The following ARFGEF3 variants were observed in gnomAD, a reference collection of about 807,000 sequenced individuals.
The protein encoded by ARFGEF3 is ARFGEF family member 3.
In ARFGEF3, 96 loss-of-function variants were observed where a neutral mutation model predicts 221.7. The observed-to-expected ratio is 0.43, with a 90% confidence interval of 0.37 to 0.51. ARFGEF3 has a LOEUF of 0.51. ARFGEF3 is among the 20% of genes least tolerant of loss of function. ARFGEF3 has a pLI of 0.00. For synonymous variants in ARFGEF3, 1,145 were observed against 1,126.8 expected (o/e 1.02, Z -0.32); for missense variants, 2,410 against 2,789.9 (o/e 0.86, Z 3.07).
intron 14 of ARFGEF3, among the ~76,000 whole-genome samples, chr6:138,283,538 G>T (rs542926804): frequency 1.1e-4 from 16 of 152,322 alleles, no homozygotes; most frequent in African/African-American, 3.8e-4. Context: ...AGTGACAAGT[G>T]AATCAGAGCA....
intron 24 of ARFGEF3, among the ~76,000 whole-genome samples, chr6:138,309,730 C>A (rs1379650655): frequency 6.6e-6 from 1 of 152,192 alleles, no homozygotes; most frequent in Non-Finnish European, 1.5e-5. Flanking sequence ...TGGTGTAACT[C>A]TTAATCCAAA....
Position 138,234,240 on chromosome 6 carries a change from A to G in ARFGEF3, c.421-4269A>G, listed in dbSNP as rs546883698. ...AAGTAGATGGCACCTGGGAAGGTGC[A>G]CGAATCGATGGGTTAAGGTGTCTTA... On this transcript the variant is annotated intron_variant, in intron 5 of 33. Coordinates refer to ENST00000251691, the MANE Select transcript of ARFGEF3 (RefSeq NM_020340.5). Among the ~76,000 whole-genome samples, 6 of 152,318 alleles carry G rather than the reference A, an allele frequency of 3.9e-5. No individual in the cohort carries two copies. In the South Asian group the frequency reaches 1.0e-3, roughly 26 times the overall value.
intron 14 of ARFGEF3, among the ~76,000 whole-genome samples, chr6:138,281,593 G>A (rs961221407): frequency 3.3e-5 from 5 of 152,182 alleles, no homozygotes; most frequent in Non-Finnish European, 1.5e-5. Flanking sequence ...GCATTAACTC[G>A]TTTGGGATAA....
intron 4 of ARFGEF3, among the ~76,000 whole-genome samples, chr6:138,212,056 A>G (rs1444092231): frequency 3.3e-5 from 5 of 152,232 alleles, no homozygotes; most frequent in African/African-American, 1.2e-4. Flanking sequence ...GGCCTTTGTT[A>G]CATGCTATTA....
chr6:138,304,726 T>C (rs1455463460), intron 22 of ARFGEF3, among the ~76,000 whole-genome samples: 1 of 152,208 alleles, frequency 6.6e-6, no homozygotes, highest in African/African-American at 2.4e-5. Context: ...CTATAAGTGA[T>C]TTGTGAAATT....
chr6:138,255,699 C>A lies in ARFGEF3; in HGVS notation c.1034C>A (p.Ser345Tyr), dbSNP rs762691601. The A allele has an allele frequency of 5.0e-6, 8 of 1,612,114 alleles. No homozygotes were observed. The highest frequency in any genetic ancestry group is 5.1e-6 in the Non-Finnish European group (6 of 1,178,902). ...GACTCCATGAAGCCCGTGCTCCAGT[C>A]CCTCTACCACCGAGTGCTGCTCTAC... is the stretch of plus-strand genomic sequence containing the variant. ...SVDSMKPVLQ[S>Y]LYHRVLLYPP... The change falls in exon 10 of 34, where the codon TCC becomes TAC. Residue 345 changes from serine (S) to tyrosine (Y), a missense_variant. Ser to Tyr is a moderately radical substitution (Grantham distance 144). Coordinates refer to ENST00000251691, the MANE Select transcript of ARFGEF3 (RefSeq NM_020340.5).
intron 22 of ARFGEF3, among the ~76,000 whole-genome samples, chr6:138,301,453 A>G (rs544089261): frequency 3.3e-5 from 5 of 152,352 alleles, no homozygotes; most frequent in African/African-American, 1.2e-4. Flanking sequence ...CATCAGGGAC[A>G]GACTTGGTAT....
Position 138,334,394 on chromosome 6 carries a change from G to T in ARFGEF3, c.5548G>T (p.Asp1850Tyr). 1 of 1,613,084 alleles carries T rather than the reference G, an allele frequency of 6.2e-7. No individual in the cohort carries two copies. The highest frequency in any genetic ancestry group is 8.5e-7 in the Non-Finnish European group (1 of 1,179,578). ...VLFEDDERSTDSSQQCSSEDE... is the reference protein window; with the variant it reads ...VLFEDDERSTYSSQQCSSEDE... ...TTTTGAGGACGACGAGAGAAGCACG[G>T]ATTCTTCCCAGCAGTGTTCATCTGA... is the stretch of plus-strand genomic sequence containing the variant. Residue 1850 changes from aspartate (D) to tyrosine (Y), a missense_variant, in exon 33 of 34, where the codon GAT (aspartate) becomes TAT (tyrosine). Asp to Tyr is a radical substitution (Grantham distance 160). This residue lies in a region of ARFGEF3 where 723 missense variants were observed against 991.9 expected (regional missense o/e 0.73). Transcript: ENST00000251691. This position sits in a 1 kb window ranked among gnomAD's most constrained non-coding sequence, Gnocchi z 5.1.
Position 138,339,286 on chromosome 6 carries a change from C to T in ARFGEF3, c.*2800C>T, listed in dbSNP as rs1780385737. On this transcript the variant is annotated 3_prime_UTR_variant, in exon 34 of 34. Transcript: ENST00000251691. ...AGTGGCACCTTCCCAGGCTGCCCAG[C>T]TCAGTCTCTTGCCCTGTTCCTGTGA... is the stretch of plus-strand genomic sequence containing the variant. 1 of 152,222 alleles carries T rather than the reference C, an allele frequency of 6.6e-6. No homozygotes were observed. Among genetic ancestry groups the T allele is most frequent in the Non-Finnish European group, 1.5e-5 (1 of 68,072 alleles). 9.4% of individuals were successfully genotyped at this position (152,222 alleles called of 1,614,324 possible).
chr6:138,334,329 A>G lies in ARFGEF3; in HGVS notation c.5483A>G (p.Asn1828Ser), dbSNP rs753585385. The G allele has an allele frequency of 3.1e-6, 5 of 1,613,736 alleles. 1 individual carries two copies. In the African/African-American group the frequency reaches 4.0e-5, roughly 13 times the overall value. The change falls in exon 33 of 34, where the codon AAT becomes AGT. Residue 1828 changes from asparagine to serine, a missense_variant. Physicochemically the swap from Asn to Ser is conservative, Grantham distance 46. This residue lies in a region of ARFGEF3 where 723 missense variants were observed against 991.9 expected (regional missense o/e 0.73). Transcript: ENST00000251691. The surrounding 1 kb of genome is among the most constrained non-coding windows in gnomAD (Gnocchi z 5.1). ...GCCCTGGTGTGTGCTGTTCTCACCA[A>G]TCAAGAAACCATCACGGCCGAGCAA... ...FHALVCAVLT[N>S]QETITAEQVK... is the part of the protein sequence containing the mutation.
intron 4 of ARFGEF3, among the ~76,000 whole-genome samples, chr6:138,226,902 G>T (rs982981747): frequency 1.3e-5 from 2 of 152,198 alleles, no homozygotes; most frequent in Non-Finnish European, 2.9e-5. Context: ...GTGAGTCCCA[G>T]GAGGGCATGG....
In ARFGEF3 at chr6:138,162,217, C is replaced by T. The variant is rs759190360; in HGVS notation, c.85+46C>T. On this transcript the variant is annotated intron_variant, in intron 1 of 33. Coordinates refer to ENST00000251691, the MANE Select transcript of ARFGEF3 (RefSeq NM_020340.5). The surrounding 1 kb of genome is among the most constrained non-coding windows in gnomAD (Gnocchi z 4.7). ...CGCCGCGGCGGGAGGGCCGCGCGGC[C>T]GGGGCTGAACCCGCGCCTCCGCGCG... is the stretch of plus-strand genomic sequence containing the variant. 12 of 1,468,846 alleles carry T rather than the reference C, an allele frequency of 8.2e-6. No homozygotes were observed. In the Admixed American group the frequency reaches 1.9e-4, roughly 23 times the overall value. The allele number at this position is 1,468,846 out of a possible 1,614,324, so 91.0% of individuals were successfully genotyped here.
At chr6:138,237,656 A>T (rs893989808) in intron 5 of ARFGEF3, among the ~76,000 whole-genome samples, 1 of 152,238 alleles carries the variant, frequency 6.6e-6, no homozygotes, top group African/African-American at 2.4e-5. Flanking sequence ...AGGAAACAGA[A>T]GCAGGACAGT....
intron 12 of ARFGEF3, among the ~76,000 whole-genome samples, chr6:138,276,013 T>C (rs1779089792): frequency 6.6e-6 from 1 of 152,228 alleles, no homozygotes; most frequent in African/African-American, 2.4e-5. Context: ...ATGAACTGTT[T>C]CCCACACATC....
At chr6:138,316,677 T>C (rs1171930184) in intron 26 of ARFGEF3, among the ~76,000 whole-genome samples, 1 of 152,084 alleles carries the variant, frequency 6.6e-6, no homozygotes, top group Non-Finnish European at 1.5e-5. Context: ...ACACCCAAAA[T>C]CAATCATAAT....
chr6:138,161,965 C>A lies in ARFGEF3; in HGVS notation c.-122C>A. Reference sequence around the variant, plus strand: ...TGATTCATCAGCATCCGCGCCGGGGCGGCATGGGGGCGCGCGCGGCGGCCG... The same window carrying A: ...TGATTCATCAGCATCCGCGCCGGGGAGGCATGGGGGCGCGCGCGGCGGCCG... On this transcript the variant is annotated 5_prime_UTR_variant, in exon 1 of 34. Transcript: ENST00000251691. The A allele has an allele frequency of 6.0e-6, 2 of 335,020 alleles. No individual in the cohort carries two copies. Among genetic ancestry groups the A allele is most frequent in the Non-Finnish European group, 1.0e-5 (2 of 199,364 alleles). The allele number at this position is 335,020 out of a possible 1,614,324, so 20.8% of individuals were successfully genotyped here.
intron 20 of ARFGEF3, 23 bp downstream of exon 20, chr6:138,294,149 C>T: frequency 6.2e-7 from 1 of 1,610,682 alleles, no homozygotes. Flanking sequence ...CTGAATAAAC[C>T]ATATGCCAGG....
At chr6:138,236,498 G>A (rs569895043) in intron 5 of ARFGEF3, among the ~76,000 whole-genome samples, 40 of 152,276 alleles carry the variant, frequency 2.6e-4, no homozygotes, top group African/African-American at 9.4e-4. Context: ...CCTTTCAGGG[G>A]GTAGGTAGGG....
At position 138,323,105 on chromosome 6, in the gene ARFGEF3, A is replaced by G. The variant is rs868173773; in HGVS notation, c.4767-566A>G. 4.6e-5 allele frequency among the ~76,000 whole-genome samples: 7 copies of G among 152,224 alleles called. No homozygotes were observed. The South Asian group carries it at 1.2e-3, about 27-fold the overall frequency. ...TAGAATCCAAAAATCACTACAGAAT[A>G]TATGCAGTCTTGCATACAAGTCTAC... On this transcript the variant is annotated intron_variant, in intron 29 of 33. Coordinates refer to ENST00000251691, the MANE Select transcript of ARFGEF3 (RefSeq NM_020340.5).
Sources: gnomAD v4.1 joint callset for allele counts (sites outside exome capture counted in the v4.1 genomes callset) on GRCh38, gnomAD v4.1.1 for gene constraint, gnomAD v4.1.1 regional missense constraint, Gnocchi (gnomAD v3.1) non-coding constraint, MANE v1.5 for transcripts, NCBI Gene and HGNC (gene_info 2026-07-23, HGNC 2026-07-21) for gene names.